Variants in GATM observed in about 807,000 individuals in gnomAD.
GATM encodes the protein glycine amidinotransferase, mitochondrial.
A neutral mutation model predicts 54.2 loss-of-function variants in GATM; 23 were observed. That is an observed-to-expected ratio of 0.42 (90% CI 0.31 to 0.60). GATM has a LOEUF of 0.60. Ranked by LOEUF, GATM falls within the 20% of genes least tolerant of loss-of-function variation. GATM has a pLI of 0.14. For missense variants in GATM, 401 were observed against 544.9 expected (o/e 0.74, Z 2.63); for synonymous variants, 168 against 183.1 (o/e 0.92, Z 0.67).
upstream of GATM, among the ~76,000 whole-genome samples, chr15:45,382,325 T>C (rs756671986): frequency 1.8e-4 from 28 of 152,180 alleles, no homozygotes; most frequent in Non-Finnish European, 4.0e-4. Flanking sequence ...TGAGCACAAG[T>C]GATCTGATAG....
At chr15:45,372,208 A>G (rs1015442724) in intron 2 of GATM, among the ~76,000 whole-genome samples, 15 of 152,244 alleles carry the variant, frequency 9.9e-5, no homozygotes, top group Admixed American at 9.8e-4. Context: ...TTGCACTACA[A>G]TGGCACAGCT....
intron 2 of GATM, 143 bp downstream of exon 2, chr15:45,376,458 A>G (rs1889637328): frequency 1.3e-6 from 1 of 764,298 alleles, no homozygotes; most frequent in African/African-American, 1.7e-5. Context: ...AAATAGTGTC[A>G]AATACCACAG....
chr15:45,369,260 C>T, intron 3 of GATM, 66 bp downstream of exon 3: 1 of 1,440,534 alleles, frequency 6.9e-7, no homozygotes, highest in Middle Eastern at 1.7e-4. Flanking sequence ...GGAGCTTTCC[C>T]CTTACACATT....
At position 45,361,807 on chromosome 15, in the gene GATM, A is replaced by T. The variant is rs1889369376; in HGVS notation, c.*302T>A. The T allele has an allele frequency of 3.9e-6, 2 of 519,184 alleles. No individual in the cohort carries two copies. The highest frequency in any genetic ancestry group is 6.7e-6 in the Non-Finnish European group (2 of 296,806). The allele number at this position is 519,184 out of a possible 1,614,324, so 32.2% of individuals were successfully genotyped here. On this transcript the variant is annotated 3_prime_UTR_variant, in exon 9 of 9. Coordinates refer to ENST00000396659, the MANE Select transcript of GATM (RefSeq NM_001482.3). ...GAAAGAAAATTAAAAACAGAGGTAG[A>T]TGGTTAATTATTAGTGGCCAAGTTA...
chr15:45,370,918 C>T (rs755533906), intron 2 of GATM, among the ~76,000 whole-genome samples: 7 of 152,072 alleles, frequency 4.6e-5, no homozygotes, highest in Admixed American at 6.6e-5. Flanking sequence ...GGATTACAGG[C>T]GCATGCCACC....
chr15:45,364,421 C>A (rs948028455), intron 7 of GATM: 11 of 293,754 alleles, frequency 3.7e-5, no homozygotes, highest in African/African-American at 2.4e-4. Context: ...GTAGTCCCAG[C>A]TACTTAGGAA....
intron 3 of GATM, among the ~76,000 whole-genome samples, chr15:45,392,390 T>C (rs1475265655): frequency 6.6e-6 from 1 of 152,258 alleles, no homozygotes; most frequent in Non-Finnish European, 1.5e-5. Flanking sequence ...TGCATGTGTG[T>C]GTGTAATGTT....
At chr15:45,372,692 CTATT>C (rs1365053955) in intron 2 of GATM, among the ~76,000 whole-genome samples, 1 of 152,200 alleles carries the variant, frequency 6.6e-6, no homozygotes, top group East Asian at 1.9e-4. Flanking sequence ...TCCTCCGTGA[CTATT>C]TGTGCAGGGT....
intron 2 of GATM, among the ~76,000 whole-genome samples, chr15:45,371,712 C>A (rs541690769): frequency 6.6e-6 from 1 of 152,262 alleles, no homozygotes; most frequent in South Asian, 2.1e-4. Context: ...AAAGAGTGTC[C>A]CTAATACATC....
chr15:45,395,600 T>C (rs1003353434), intron 3 of GATM, among the ~76,000 whole-genome samples: 1 of 152,128 alleles, frequency 6.6e-6, no homozygotes, highest in African/African-American at 2.4e-5. Context: ...AGAATGCAAC[T>C]AGATGCATAA....
In GATM at chr15:45,366,515, G is replaced by A. The variant is rs1437698698; in HGVS notation, c.676-7C>T. 2 of 1,613,730 alleles carry A rather than the reference G, an allele frequency of 1.2e-6. No individual in the cohort carries two copies. Among genetic ancestry groups the A allele is most frequent in the Admixed American group, 1.7e-5 (1 of 60,006 alleles). On this transcript the variant is annotated splice_polypyrimidine_tract_variant and splice_region_variant and intron_variant, in intron 4 of 8. Coordinates refer to ENST00000396659, the MANE Select transcript of GATM (RefSeq NM_001482.3). ...CAGAGTGGATGGGATAATCCTAATT[G>A]GAACAAGAATGAACACACACAATGC...
rs768856078 is a variant in GATM at position 45,376,872 on chromosome 15, CAG to C, written c.70-55_70-54del. On this transcript the variant is annotated intron_variant, in intron 1 of 8. Coordinates refer to ENST00000396659, the MANE Select transcript of GATM (RefSeq NM_001482.3). Reference sequence around the variant, plus strand: ...TATTGCATTGCTCTATCAGTACTTACAGAGAGGAGGAAGTGGAGATGGAGTAA... The same window carrying C: ...TATTGCATTGCTCTATCAGTACTTACAGAGGAGGAAGTGGAGATGGAGTAA... The C allele has an allele frequency of 3.2e-5, 48 of 1,495,080 alleles. 1 individual carries two copies. In the Middle Eastern group the frequency reaches 5.3e-4, roughly 17 times the overall value. 92.6% of individuals were successfully genotyped at this position (1,495,080 alleles called of 1,614,324 possible).
At chr15:45,399,652 C>T (rs1233565133) in intron 1 of GATM, 1 of 152,614 alleles carries the variant, frequency 6.6e-6, no homozygotes, top group Non-Finnish European at 1.5e-5. Context: ...TATTTTGTTA[C>T]AGCAGCCTGA....
At chr15:45,370,675 A>G (rs139561824) in intron 2 of GATM, among the ~76,000 whole-genome samples, 86 of 152,370 alleles carry the variant, frequency 5.6e-4, no homozygotes, top group African/African-American at 1.7e-3. Flanking sequence ...GAAGACAACT[A>G]AAGAGAAAAC....
At chr15:45,373,124 C>G (rs1217378670) in intron 2 of GATM, 1 of 152,184 alleles carries the variant, frequency 6.6e-6, no homozygotes, top group African/African-American at 2.4e-5. Flanking sequence ...GCTTATATTA[C>G]ACTAATCTTG....
intron 3 of GATM, among the ~76,000 whole-genome samples, chr15:45,388,401 C>T (rs971330148): frequency 6.6e-6 from 1 of 152,162 alleles, no homozygotes; most frequent in Non-Finnish European, 1.5e-5. Flanking sequence ...ACTAAGCTAC[C>T]AACACTGTAA....
intron 1 of GATM, among the ~76,000 whole-genome samples, chr15:45,400,817 A>C (rs1230451182): frequency 6.6e-6 from 1 of 152,220 alleles, no homozygotes; most frequent in Non-Finnish European, 1.5e-5. Flanking sequence ...TAAGACAGTT[A>C]TCCTGTCCTC....
upstream of GATM, chr15:45,379,311 G>A (rs1172494846): frequency 1.3e-5 from 2 of 152,194 alleles, no homozygotes; most frequent in African/African-American, 2.4e-5. Context: ...TTTGTACAGA[G>A]CTAGAGAACT....
intron 3 of GATM, among the ~76,000 whole-genome samples, chr15:45,392,500 C>T (rs532345179): frequency 5.9e-5 from 9 of 152,284 alleles, no homozygotes; most frequent in South Asian, 2.1e-4. Flanking sequence ...TGTCACAGAA[C>T]GTGGGGTAGG....
Sources: allele counts gnomAD v4.1 joint callset (sites outside exome capture counted in the v4.1 genomes callset), GRCh38; gene constraint gnomAD v4.1.1; transcripts MANE v1.5; gene names NCBI Gene and HGNC (gene_info 2026-07-23, HGNC 2026-07-21).